The following BSN variants were observed in gnomAD, a reference collection of about 807,000 sequenced individuals.
The protein encoded by BSN is bassoon presynaptic cytomatrix protein.
Under a neutral mutation model 264.8 loss-of-function variants are expected in BSN, and 57 were observed. That is an observed-to-expected ratio of 0.22 (90% CI 0.17 to 0.27). The LOEUF (loss-of-function observed/expected upper bound fraction) is 0.27. BSN is among the 10% of genes least tolerant of loss of function. The pLI is 1.00. For synonymous variants in BSN, 2,059 were observed against 2,137.3 expected, an observed-to-expected ratio of 0.96 and a Z score of 1.01; for missense variants, 4,615 against 5,232.5, an observed-to-expected ratio of 0.88 and a Z score of 3.64.
chr3:49,566,460 G>A (rs2051752549), intron 1 of BSN, among the ~76,000 whole-genome samples: 1 of 152,142 alleles, frequency 6.6e-6, no homozygotes, highest in Non-Finnish European at 1.5e-5. Flanking sequence ...GAGGCAGTAT[G>A]TCTGTCTCCT....
At chr3:49,583,864 G>GATTTATTT (rs556005167) in intron 1 of BSN, among the ~76,000 whole-genome samples, 4 of 151,642 alleles carry the variant, frequency 2.6e-5, no homozygotes, top group African/African-American at 9.7e-5. Flanking sequence ...CTTGCAATCC[G>GATTTATTT]ATTTATTTAT....
In BSN at chr3:49,655,487, T is replaced by C. The variant is rs1158132056; in HGVS notation, c.5931T>C (p.Pro1977=). The part of the protein sequence containing the change: ...EEQRPYPQGL[P]GRLYSSMSDT... ...AGAGGCCCTACCCACAAGGCCTGCC[T>C]GGTAGGCTGTACTCCTCCATGTCTG... Residue 1977 remains proline (P), a synonymous_variant, in exon 5 of 12, where the codon CCT becomes CCC. Coordinates refer to ENST00000296452, the MANE Select transcript of BSN (RefSeq NM_003458.4). 6.3e-7 allele frequency: 1 copy of C among 1,596,968 alleles called. No individual in the cohort carries two copies. Among genetic ancestry groups the C allele is most frequent in the South Asian group, 1.1e-5 (1 of 89,462 alleles).
intron 3 of BSN, among the ~76,000 whole-genome samples, chr3:49,645,387 A>T (rs1241224229): frequency 1.3e-5 from 2 of 152,110 alleles, no homozygotes; most frequent in Non-Finnish European, 2.9e-5. Context: ...ACCATCCACC[A>T]CCAGAGATGC....
chr3:49,608,386 G>A (rs948160275), intron 1 of BSN, among the ~76,000 whole-genome samples: 3 of 152,142 alleles, frequency 2.0e-5, no homozygotes, highest in Non-Finnish European at 2.9e-5. Flanking sequence ...GGAAAGTGGT[G>A]GATGGCTTTC....
At chr3:49,665,605 T>C (rs1438739425) in intron 11 of BSN, among the ~76,000 whole-genome samples, 5 of 152,250 alleles carry the variant, frequency 3.3e-5, no homozygotes, top group Non-Finnish European at 5.9e-5. Flanking sequence ...AAAGTCATCC[T>C]GAAGGACCTG....
chr3:49,568,213 C>T (rs1559593702), intron 1 of BSN, among the ~76,000 whole-genome samples: 1 of 152,146 alleles, frequency 6.6e-6, no homozygotes, highest in Non-Finnish European at 1.5e-5. Context: ...TTGGAAAATA[C>T]AGTCTGCCAC....
intron 1 of BSN, among the ~76,000 whole-genome samples, chr3:49,563,604 TGG>T (rs1304236377): frequency 6.6e-6 from 1 of 152,240 alleles, no homozygotes; most frequent in African/African-American, 2.4e-5. Flanking sequence ...TGCAGCTGTG[TGG>T]GTTCTGTGGG....
chr3:49,592,241 C>T (rs1229632731), intron 1 of BSN, among the ~76,000 whole-genome samples: 1 of 151,388 alleles, frequency 6.6e-6, no homozygotes, highest in Non-Finnish European at 1.5e-5. Context: ...TCCCGAGTAC[C>T]TGGGATTACA....
Position 49,661,539 on chromosome 3 carries a change from GTAA to G in BSN, c.9696_9698del (p.Met3233del). ...GGAGCAGAACGTTCCTCGAAACTAC[GTAA>G]TGATTGATGACATCAGTGAACTGAC... On this transcript the variant is annotated inframe_deletion, in exon 6 of 12. Coordinates refer to ENST00000296452, the MANE Select transcript of BSN (RefSeq NM_003458.4). 6.2e-7 allele frequency: 1 copy of G among 1,614,038 alleles called. No individual in the cohort carries two copies. Among genetic ancestry groups the G allele is most frequent in the Non-Finnish European group, 8.5e-7 (1 of 1,180,040 alleles).
intron 3 of BSN, 113 bp from the exon 4 acceptor site, chr3:49,650,497 TTA>T: frequency 1.0e-6 from 1 of 996,542 alleles, no homozygotes; most frequent in Non-Finnish European, 1.5e-6. Context: ...GTCTTTGGTG[TTA>T]TGCTTTGAAA....
Position 49,663,627 on chromosome 3 carries a change from A to G in BSN, c.11469A>G (p.Pro3823=). 1 of 1,609,270 alleles carries G rather than the reference A, an allele frequency of 6.2e-7. No individual in the cohort carries two copies. Among genetic ancestry groups the G allele is most frequent in the Admixed American group, 1.7e-5 (1 of 59,616 alleles). ...AASQPAGKPQ[P]GPSTATGPQP... ...GCCAGCCTGCAGGGAAGCCTCAGCC[A>G]GGCCCCAGCACAGCCACAGGTCCTC... Residue 3823 remains proline (P), a synonymous_variant, in exon 7 of 12, where the codon CCA becomes CCG. Transcript: ENST00000296452.
Position 49,654,167 on chromosome 3 carries a change from A to G in BSN, c.4611A>G (p.Pro1537=), listed in dbSNP as rs1197422012. Residue 1537 remains proline, a synonymous_variant, in exon 5 of 12, where the codon CCA becomes CCG. Transcript: ENST00000296452. This position sits in a 1 kb window ranked among gnomAD's most constrained non-coding sequence, Gnocchi z 4.1. ...TGGTAGCCCAGGGTACACAAACACC[A>G]CATCGACCCAGCACGCCTCGCCTGG... ...SPMVAQGTQT[P]HRPSTPRLVW... is the part of the protein sequence containing the mutation. 6.2e-6 allele frequency: 10 copies of G among 1,613,886 alleles called. No homozygotes were observed. Among genetic ancestry groups the G allele is most frequent in the Non-Finnish European group, 8.5e-6 (10 of 1,179,998 alleles).
At position 49,668,546 on chromosome 3, in the gene BSN, C is replaced by T. The variant is rs1157536156; in HGVS notation, c.*1061C>T. 6.6e-6 allele frequency: 1 copy of T among 152,586 alleles called. No homozygotes were observed. Among genetic ancestry groups the T allele is most frequent in the Non-Finnish European group, 1.5e-5 (1 of 68,042 alleles). The allele number at this position is 152,586 out of a possible 1,614,324, so 9.5% of individuals were successfully genotyped here. A position where few individuals can be genotyped will look rare whatever the true frequency, so the allele number is the denominator to read the frequency against. ...CACAGGGAGAATGTTGACTTAGAAG[C>T]AATAGGGGGCAGCAGGCCACCAAGA... On this transcript the variant is annotated 3_prime_UTR_variant, in exon 12 of 12. Transcript: ENST00000296452.
In BSN at chr3:49,554,698, C is replaced by A; in HGVS notation, c.96C>A (p.Gly32=). 1 of 1,132,762 alleles carries A rather than the reference C, an allele frequency of 8.8e-7. No homozygotes were observed. The highest frequency in any genetic ancestry group is 3.7e-4 in the Middle Eastern group (1 of 2,686). 70.2% of individuals were successfully genotyped at this position (1,132,762 alleles called of 1,614,324 possible). Reference sequence around the variant, plus strand: ...GCCCGGGCCCCGGCCCCGGCCCCGGCGCAGGAAAGCCGCCTTCAGCACCGG... The same window carrying A: ...GCCCGGGCCCCGGCCCCGGCCCCGGAGCAGGAAAGCCGCCTTCAGCACCGG... ...GPGPGPGPGP[G]AGKPPSAPAG... is the part of the protein sequence containing the mutation. Residue 32 remains glycine (G), a synonymous_variant, in exon 1 of 12, where the codon GGC becomes GGA. Coordinates refer to ENST00000296452, the MANE Select transcript of BSN (RefSeq NM_003458.4).
At chr3:49,612,824 C>T (rs1398060882) in intron 1 of BSN, among the ~76,000 whole-genome samples, 3 of 152,140 alleles carry the variant, frequency 2.0e-5, no homozygotes, top group African/African-American at 7.2e-5. Flanking sequence ...TAAAAGAACA[C>T]ATAAATCTTT....
chr3:49,635,645 C>G (rs1336726960), intron 2 of BSN, among the ~76,000 whole-genome samples: 1 of 152,180 alleles, frequency 6.6e-6, no homozygotes, highest in Admixed American at 6.5e-5. Flanking sequence ...TTCTGTCTGT[C>G]CATCTATCCA....
chr3:49,621,744 G>A (rs1257763205), intron 1 of BSN, among the ~76,000 whole-genome samples: 1 of 152,046 alleles, frequency 6.6e-6, no homozygotes, highest in East Asian at 1.9e-4. Flanking sequence ...TAGAGACAGA[G>A]TCTTGCTCTG....
chr3:49,658,423 C>A (rs1297703260), intron 5 of BSN, among the ~76,000 whole-genome samples: 2 of 152,142 alleles, frequency 1.3e-5, no homozygotes, highest in Non-Finnish European at 2.9e-5. Flanking sequence ...CCACAGCCTT[C>A]CAGCCACATA....
Position 49,554,681 on chromosome 3 carries a change from C to A in BSN, c.79C>A (p.Pro27Thr). The change falls in exon 1 of 12, where the codon CCC becomes ACC. Residue 27 changes from proline (P) to threonine (T), a missense_variant. This residue lies in a region of BSN where 1,197 missense variants were observed against 1,348.0 expected (regional missense o/e 0.89). Transcript: ENST00000296452. ...CGGCGGCGCCGGCCCCGGCCCGGGC[C>A]CCGGCCCCGGCCCCGGCGCAGGAAA... ...PPGGAGPGPGPGPGPGAGKPP... is the reference protein window; with the variant it reads ...PPGGAGPGPGTGPGPGAGKPP... 1 of 1,037,548 alleles carries A rather than the reference C, an allele frequency of 9.6e-7. No individual in the cohort carries two copies. Among genetic ancestry groups the A allele is most frequent in the Non-Finnish European group, 1.2e-6 (1 of 862,478 alleles). The allele number at this position is 1,037,548 out of a possible 1,614,324, so 64.3% of individuals were successfully genotyped here.
Sources: gnomAD v4.1 joint callset for allele counts (sites outside exome capture counted in the v4.1 genomes callset) on GRCh38, gnomAD v4.1.1 for gene constraint, gnomAD v4.1.1 regional missense constraint, Gnocchi (gnomAD v3.1) non-coding constraint, MANE v1.5 for transcripts, NCBI Gene and HGNC (gene_info 2026-07-23, HGNC 2026-07-21) for gene names.